The following LZTS1 variants were observed in gnomAD, a reference collection of about 807,000 sequenced individuals.
LZTS1 encodes the protein leucine zipper putative tumor suppressor 1.
In LZTS1, 31 loss-of-function variants were observed where a neutral mutation model predicts 45.8. The ratio of observed to expected loss-of-function variants is 0.68; its 90% CI spans 0.51 to 0.91. LZTS1 has a LOEUF of 0.91. Among genes scored for constraint, LZTS1 ranks in the 40% least tolerant of loss-of-function variants. The pLI is 0.00. For missense variants in LZTS1, 821 were observed against 788.9 expected (o/e 1.04, Z -0.49); for synonymous variants, 359 against 357.3 (o/e 1.00, Z -0.05).
intron 1 of LZTS1, among the ~76,000 whole-genome samples, chr8:20,277,671 T>G (rs548839864): frequency 6.6e-6 from 1 of 152,282 alleles, no homozygotes; most frequent in South Asian, 2.1e-4. Context: ...TTGGAGGAAG[T>G]AGGGTGGGGT....
intron 1 of LZTS1, among the ~76,000 whole-genome samples, chr8:20,288,667 G>C (rs2128898484): frequency 6.6e-6 from 1 of 152,300 alleles, no homozygotes; most frequent in African/African-American, 2.4e-5. Flanking sequence ...ACACGCACAG[G>C]CATCGAGCAC....
At chr8:20,262,684 G>T (rs1800260891) in intron 1 of LZTS1, among the ~76,000 whole-genome samples, 1 of 152,134 alleles carries the variant, frequency 6.6e-6, no homozygotes, top group South Asian at 2.1e-4. Context: ...AATTTGGCAG[G>T]ACCTGGAGAC....
intron 3 of LZTS1, 65 bp from the exon 4 acceptor site, chr8:20,250,428 C>T: frequency 6.8e-7 from 1 of 1,476,156 alleles, no homozygotes; most frequent in Non-Finnish European, 9.0e-7. Flanking sequence ...GAAGTGACAG[C>T]TCAGCTGCCT....
At chr8:20,267,319 C>T (rs1800380334) in intron 1 of LZTS1, among the ~76,000 whole-genome samples, 2 of 151,888 alleles carry the variant, frequency 1.3e-5, no homozygotes, top group Admixed American at 1.3e-4. Flanking sequence ...GGCTGGATAG[C>T]AGAGGTGCGG....
intron 1 of LZTS1, among the ~76,000 whole-genome samples, chr8:20,273,641 A>C (rs1013745939): frequency 6.6e-6 from 1 of 151,808 alleles, no homozygotes; most frequent in African/African-American, 2.4e-5. Flanking sequence ...CCCTCACCCT[A>C]CATCTGACCA....
In LZTS1 at chr8:20,253,466, G is replaced by A. The variant is rs200657116; in HGVS notation, c.465C>T (p.Asp155=). 2 of 1,608,026 alleles carry A rather than the reference G, an allele frequency of 1.2e-6. No individual in the cohort carries two copies. The highest frequency in any genetic ancestry group is 4.5e-5 in the East Asian group (2 of 44,746). ...ASHQLHPAPP[D]KPKEQELKPG... is the part of the protein sequence containing the mutation. ...GCTTCAGCTCCTGCTCCTTGGGCTT[G>A]TCTGGAGGGGCGGGGTGCAGCTGGT... Residue 155 remains aspartate, a synonymous_variant, in exon 3 of 4, where the codon GAC becomes GAT. Coordinates refer to ENST00000381569, the MANE Select transcript of LZTS1 (RefSeq NM_021020.5).
intron 1 of LZTS1, among the ~76,000 whole-genome samples, chr8:20,299,909 CT>C (rs1801046340): frequency 6.6e-6 from 1 of 152,230 alleles, no homozygotes; most frequent in Non-Finnish European, 1.5e-5. Context: ...TAGTTGGATA[CT>C]TCTTTGTTGG....
At chr8:20,276,007 GGGA>G (rs926298757) in intron 1 of LZTS1, 4 of 152,102 alleles carry the variant, frequency 2.6e-5, no homozygotes, top group Admixed American at 6.5e-5. Flanking sequence ...ACATTTTAAT[GGGA>G]GGAGAAGTCT....
chr8:20,303,574 T>C (rs1354635079), intron 1 of LZTS1, among the ~76,000 whole-genome samples, 166 bp downstream of exon 1: 2 of 150,746 alleles, frequency 1.3e-5, no homozygotes, highest in Non-Finnish European at 3.0e-5. Flanking sequence ...CCCTGACAGC[T>C]CCACGCGGAG....
At chr8:20,265,663 A>AGC (rs1800338488) in intron 1 of LZTS1, among the ~76,000 whole-genome samples, 1 of 118,674 alleles carries the variant, frequency 8.4e-6, no homozygotes, top group African/African-American at 3.2e-5. Context: ...TGGGCAACAG[A>AGC]GAGACTCTGT....
At chr8:20,280,651 G>A (rs376325889) in intron 1 of LZTS1, among the ~76,000 whole-genome samples, 1 of 152,186 alleles carries the variant, frequency 6.6e-6, no homozygotes, top group African/African-American at 2.4e-5. Flanking sequence ...TTCAAGAAGT[G>A]CCAGGAGAAT....
At chr8:20,267,159 C>T (rs922611596) in intron 1 of LZTS1, among the ~76,000 whole-genome samples, 6 of 151,986 alleles carry the variant, frequency 3.9e-5, no homozygotes, top group African/African-American at 9.7e-5. Flanking sequence ...CTCTCTTATC[C>T]GCCTCACCTC....
At chr8:20,273,188 A>G (rs1274331905) in intron 1 of LZTS1, among the ~76,000 whole-genome samples, 2 of 151,814 alleles carry the variant, frequency 1.3e-5, no homozygotes, top group Non-Finnish European at 2.9e-5. Flanking sequence ...TGTTTTTTGA[A>G]ACACTGCTTC....
chr8:20,259,537 T>C (rs77128927), intron 1 of LZTS1, among the ~76,000 whole-genome samples: 5,282 of 152,250 alleles, frequency 0.035, 292 homozygotes, highest in African/African-American at 0.12. Context: ...CACTTCCTAA[T>C]GGGAACCCTT....
At chr8:20,272,995 ACAT>A in intron 1 of LZTS1, among the ~76,000 whole-genome samples, 1 of 152,322 alleles carries the variant, frequency 6.6e-6, no homozygotes, top group East Asian at 1.9e-4. Flanking sequence ...GAGAGACAGA[ACAT>A]CATACTCACT....
At chr8:20,296,622 T>C (rs1214305116) in intron 1 of LZTS1, among the ~76,000 whole-genome samples, 2 of 152,044 alleles carry the variant, frequency 1.3e-5, no homozygotes, top group African/African-American at 2.4e-5. Flanking sequence ...GGCTTGTGAG[T>C]TTGGGTATCA....
At chr8:20,291,641 C>T (rs1040032435) in intron 1 of LZTS1, among the ~76,000 whole-genome samples, 17 of 150,630 alleles carry the variant, frequency 1.1e-4, no homozygotes, top group Non-Finnish European at 2.5e-4. Flanking sequence ...ACCCTTTCTG[C>T]AGAAAGTAAA....
chr8:20,269,614 C>T (rs780862268), intron 1 of LZTS1, among the ~76,000 whole-genome samples: 1 of 152,098 alleles, frequency 6.6e-6, no homozygotes, highest in Admixed American at 6.5e-5. Flanking sequence ...AGGTTCAGTA[C>T]GGAAGAATCA....
At chr8:20,253,658 C>G in intron 2 of LZTS1, 73 bp from the exon 3 acceptor site, 2 of 1,250,758 alleles carry the variant, frequency 1.6e-6, no homozygotes, top group South Asian at 1.7e-5. Context: ...CCCAGGCACG[C>G]GTGCCGACCT....
Sources: allele counts gnomAD v4.1 joint callset (sites outside exome capture counted in the v4.1 genomes callset), GRCh38; gene constraint gnomAD v4.1.1; transcripts MANE v1.5; gene names NCBI Gene and HGNC (gene_info 2026-07-23, HGNC 2026-07-21).